Variants in NCAM2 observed in about 807,000 individuals in gnomAD.
The protein encoded by NCAM2 is N-CAM-2.
A neutral mutation model predicts 98.1 loss-of-function variants in NCAM2; 30 were observed. The observed-to-expected ratio is 0.31, with a 90% confidence interval of 0.23 to 0.41. NCAM2 has a LOEUF of 0.41. Among genes scored for constraint, NCAM2 ranks in the 10% least tolerant of loss-of-function variants. NCAM2 has a pLI of 1.00. For synonymous variants in NCAM2, 368 were observed against 342.4 expected, an observed-to-expected ratio of 1.07 and a Z score of -0.83; for missense variants, 867 against 1,005.8, an observed-to-expected ratio of 0.86 and a Z score of 1.87.
chr21:21,460,628 A>G (rs1982834945), intron 12 of NCAM2, among the ~76,000 whole-genome samples: 1 of 151,952 alleles, frequency 6.6e-6, no homozygotes, highest in South Asian at 2.1e-4. Context: ...TAATTTTTAA[A>G]AACATAAATT....
intron 1 of NCAM2, among the ~76,000 whole-genome samples, chr21:21,198,836 G>A (rs575223788): frequency 1.3e-5 from 2 of 152,200 alleles, no homozygotes; most frequent in African/African-American, 4.8e-5. Flanking sequence ...AAATGTCAGA[G>A]ACCAGAACGA....
chr21:21,177,696 ACT>A (rs1278707549), intron 1 of NCAM2, among the ~76,000 whole-genome samples: 2 of 149,424 alleles, frequency 1.3e-5, no homozygotes, highest in East Asian at 2.0e-4. Flanking sequence ...TTTCTCACCT[ACT>A]CTCTTTCTCT....
At chr21:21,425,307 T>C (rs2077193554) in intron 11 of NCAM2, among the ~76,000 whole-genome samples, 1 of 152,048 alleles carries the variant, frequency 6.6e-6, no homozygotes, top group Non-Finnish European at 1.5e-5. Context: ...TCTCCAAATA[T>C]CTAAAATATA....
At position 21,275,584 on chromosome 21, in the gene NCAM2, C is replaced by G. The variant is rs1335910972; in HGVS notation, c.56-4994C>G. 2.6e-5 allele frequency among the ~76,000 whole-genome samples: 4 copies of G among 152,132 alleles called. No individual in the cohort carries two copies. In the East Asian group the frequency reaches 7.7e-4, roughly 29 times the overall value. Reference sequence around the variant, plus strand: ...TCCCTACCTTTCTCGTAGGTAAACACTCATAGTAAAATTCTTTGTCATATC... The same window carrying G: ...TCCCTACCTTTCTCGTAGGTAAACAGTCATAGTAAAATTCTTTGTCATATC... On this transcript the variant is annotated intron_variant, in intron 1 of 17. Transcript: ENST00000400546.
At chr21:21,521,077 T>G (rs1988989703) in intron 16 of NCAM2, among the ~76,000 whole-genome samples, 1 of 152,118 alleles carries the variant, frequency 6.6e-6, no homozygotes, top group Non-Finnish European at 1.5e-5. Flanking sequence ...AACCAGAGCC[T>G]AACATGGGGT....
intron 1 of NCAM2, among the ~76,000 whole-genome samples, chr21:21,018,651 A>G (rs2064367769): frequency 6.6e-6 from 1 of 152,196 alleles, no homozygotes; most frequent in Admixed American, 6.5e-5. Context: ...GTTGACAGAG[A>G]ACAGATTTCA....
chr21:21,265,115 C>A (rs1231491951), intron 1 of NCAM2, among the ~76,000 whole-genome samples: 3 of 42,824 alleles, frequency 7.0e-5, no homozygotes, highest in Non-Finnish European at 1.4e-4. Context: ...AATATATATA[C>A]ATACATATAT....
intron 16 of NCAM2, among the ~76,000 whole-genome samples, chr21:21,520,657 C>A (rs765375253): frequency 1.3e-5 from 2 of 152,112 alleles, no homozygotes; most frequent in Non-Finnish European, 2.9e-5. Flanking sequence ...CTGAAATCAA[C>A]AATTCTTAGA....
intron 1 of NCAM2, among the ~76,000 whole-genome samples, chr21:21,255,046 A>G (rs1457955200): frequency 1.3e-5 from 2 of 152,044 alleles, no homozygotes; most frequent in African/African-American, 4.8e-5. Flanking sequence ...TGGGTGCCAA[A>G]TGATATCTTG....
chr21:21,306,721 T>C lies in NCAM2; in HGVS notation c.619+14480T>C, dbSNP rs114485348. 7.5e-3 allele frequency among the ~76,000 whole-genome samples: 1,144 copies of C among 152,220 alleles called. 24 individuals are homozygous for C. Among genetic ancestry groups the C allele is most frequent in the African/African-American group, 0.026 (1,094 of 41,554 alleles). On this transcript the variant is annotated intron_variant, in intron 5 of 17. Transcript: ENST00000400546. ...ACAATCCAGTTACACTCTAAGAGAT[T>C]TTAAAATGTGCAATTGCATTGTTAT...
At chr21:21,209,926 G>A (rs942705308) in intron 1 of NCAM2, among the ~76,000 whole-genome samples, 5 of 152,034 alleles carry the variant, frequency 3.3e-5, no homozygotes, top group East Asian at 1.9e-4. Context: ...AAAACATCCC[G>A]GAAAACTTGT....
At chr21:21,015,995 A>G (rs994050600) in intron 1 of NCAM2, among the ~76,000 whole-genome samples, 2 of 152,188 alleles carry the variant, frequency 1.3e-5, no homozygotes, top group African/African-American at 4.8e-5. Context: ...GACGTGAGCC[A>G]CAATGCCCAG....
rs2074432967 is a variant in NCAM2 at position 21,323,580 on chromosome 21, T to C, written c.620-803T>C. Reference sequence around the variant, plus strand: ...GTGTGCATTGAGTCACAATTTATCCTCTACTTTGAAATTTAGCTTCTATTG... The same window carrying C: ...GTGTGCATTGAGTCACAATTTATCCCCTACTTTGAAATTTAGCTTCTATTG... On this transcript the variant is annotated intron_variant, in intron 5 of 17. Transcript: ENST00000400546. Among the ~76,000 whole-genome samples the C allele has an allele frequency of 4.6e-5, 7 of 152,318 alleles. No individual in the cohort carries two copies. In the South Asian group the frequency reaches 1.4e-3, roughly 32 times the overall value.
At chr21:21,314,581 T>C (rs944043623) in intron 5 of NCAM2, among the ~76,000 whole-genome samples, 1 of 152,138 alleles carries the variant, frequency 6.6e-6, no homozygotes, top group Non-Finnish European at 1.5e-5. Flanking sequence ...GTCCTGGTCG[T>C]CTTTCTCTTT....
intron 17 of NCAM2, among the ~76,000 whole-genome samples, chr21:21,536,763 A>G (rs1478889108): frequency 1.3e-5 from 2 of 152,166 alleles, no homozygotes; most frequent in African/African-American, 2.4e-5. Context: ...CCCATCTCCA[A>G]ATGTCATGTA....
intron 11 of NCAM2, among the ~76,000 whole-genome samples, chr21:21,428,578 G>A (rs2077264232): frequency 1.3e-5 from 2 of 152,216 alleles, no homozygotes; most frequent in Admixed American, 1.3e-4. Flanking sequence ...AGCCACTAAT[G>A]GCATCACAGG....
At chr21:21,236,734 A>T (rs2070842713) in intron 1 of NCAM2, among the ~76,000 whole-genome samples, 1 of 147,658 alleles carries the variant, frequency 6.8e-6, no homozygotes, top group Non-Finnish European at 1.5e-5. Flanking sequence ...CATGAGATAG[A>T]TTCTCAGAGA....
intron 1 of NCAM2, among the ~76,000 whole-genome samples, chr21:21,209,431 C>G (rs2069563100): frequency 6.6e-6 from 1 of 151,994 alleles, no homozygotes; most frequent in South Asian, 2.1e-4. Context: ...GCTATGTTTT[C>G]CAGTCTCAAA....
intron 16 of NCAM2, among the ~76,000 whole-genome samples, chr21:21,509,421 A>G (rs888157091): frequency 1.3e-5 from 2 of 152,208 alleles, no homozygotes; most frequent in African/African-American, 4.8e-5. Context: ...CTTCAACAAT[A>G]ATCTGAGCTA....
Sources: gnomAD v4.1 joint callset for allele counts (sites outside exome capture counted in the v4.1 genomes callset) on GRCh38, gnomAD v4.1.1 for gene constraint, MANE v1.5 for transcripts, NCBI Gene and HGNC (gene_info 2026-07-23, HGNC 2026-07-21) for gene names.